PSTPIP2: variants seen among roughly 807,000 people sequenced by gnomAD.
The protein encoded by PSTPIP2 is proline-serine-threonine phosphatase-interacting protein 2.
A neutral mutation model predicts 63.3 loss-of-function variants in PSTPIP2; 33 were observed. The observed-to-expected ratio is 0.52, with a 90% CI of 0.40 to 0.70. The LOEUF (loss-of-function observed/expected upper bound fraction) is 0.70. Among genes scored for constraint, PSTPIP2 ranks in the 30% least tolerant of loss-of-function variants. The pLI, the probability that PSTPIP2 is intolerant of heterozygous loss-of-function variation, is 0.00. For synonymous variants in PSTPIP2, 125 were observed against 132.7 expected (o/e 0.94, Z 0.40); for missense variants, 312 against 400.7 (o/e 0.78, Z 1.89).
intron 2 of PSTPIP2, among the ~76,000 whole-genome samples, chr18:46,035,967 C>G (rs1207002825): frequency 1.3e-5 from 2 of 152,112 alleles, no homozygotes; most frequent in Admixed American, 1.3e-4. Context: ...TGGTTGCCAG[C>G]ATCACCTCTA....
chr18:45,992,233 G>A (rs1463427253), intron 10 of PSTPIP2, 31 bp from the exon 11 acceptor site: 6 of 1,516,810 alleles, frequency 4.0e-6, no homozygotes, highest in Non-Finnish European at 9.0e-7. Context: ...AATAGGTAGA[G>A]GTATGTTGAG....
chr18:45,991,766 A>G, intron 12 of PSTPIP2, 136 bp downstream of exon 12: 1 of 807,512 alleles, frequency 1.2e-6, no homozygotes, highest in Non-Finnish European at 1.9e-6. Flanking sequence ...TAAAAATACT[A>G]TTTCCAAAAA....
rs775886778 is a variant in PSTPIP2, at chr18:46,018,615, C to T, written c.213-2678G>A. ...AACTCCTGACCTCAAGTGAGCTGCC[C>T]GCCTTGGCCTCCCAAAGTGCTGGGA... On this transcript the variant is annotated intron_variant, in intron 3 of 14. Coordinates refer to ENST00000409746, the MANE Select transcript of PSTPIP2 (RefSeq NM_024430.4). Among the ~76,000 whole-genome samples, 15 of 152,204 alleles carry T rather than the reference C, an allele frequency of 9.9e-5. No individual in the cohort carries two copies. The East Asian group carries it at 1.4e-3, about 14-fold the overall frequency.
intron 1 of PSTPIP2, among the ~76,000 whole-genome samples, chr18:46,048,048 G>A (rs1333397137): frequency 6.6e-6 from 1 of 152,166 alleles, no homozygotes. Context: ...ATAGCAAAAA[G>A]GACATTGCAG....
chr18:46,064,682 G>A (rs73953971), intron 1 of PSTPIP2, among the ~76,000 whole-genome samples: 1,799 of 151,982 alleles, frequency 0.012, 29 homozygotes, highest in African/African-American at 0.041. Flanking sequence ...GGTTTGAGTG[G>A]AAAAGGCATG....
intron 6 of PSTPIP2, among the ~76,000 whole-genome samples, chr18:46,003,532 G>A (rs897397319): frequency 1.8e-4 from 27 of 152,040 alleles, no homozygotes; most frequent in Non-Finnish European, 4.4e-5. Context: ...CCCTTTTCTG[G>A]TCTTTTGGTT....
At chr18:46,045,506 T>A (rs568484055) in intron 1 of PSTPIP2, among the ~76,000 whole-genome samples, 1 of 151,606 alleles carries the variant, frequency 6.6e-6, no homozygotes, top group African/African-American at 2.4e-5. Flanking sequence ...CTCTGGGGAC[T>A]GTTGTGGGGT....
chr18:46,013,313 A>G (rs6507660), intron 4 of PSTPIP2, among the ~76,000 whole-genome samples: 39,795 of 152,064 alleles, frequency 0.26, 6,588 homozygotes, highest in African/African-American at 0.44. Context: ...GTAAAAGTTA[A>G]TATGAATATT....
chr18:46,070,116 A>G (rs1218487699), intron 1 of PSTPIP2, among the ~76,000 whole-genome samples: 3 of 152,132 alleles, frequency 2.0e-5, no homozygotes, highest in Non-Finnish European at 4.4e-5. Flanking sequence ...AGGGTCACCT[A>G]GCTAGTAAGG....
intron 1 of PSTPIP2, among the ~76,000 whole-genome samples, chr18:46,065,053 A>C (rs1909131845): frequency 6.8e-6 from 1 of 148,000 alleles, no homozygotes; most frequent in Non-Finnish European, 1.5e-5. Flanking sequence ...CTGAGGCAGG[A>C]GAATTGCTTG....
chr18:46,049,989 A>G (rs1230375692), intron 1 of PSTPIP2, among the ~76,000 whole-genome samples: 4 of 152,178 alleles, frequency 2.6e-5, no homozygotes, highest in African/African-American at 9.7e-5. Flanking sequence ...TAAATAAGAG[A>G]ATCAATATTA....
At chr18:46,042,128 A>T (rs1458214880) in intron 1 of PSTPIP2, among the ~76,000 whole-genome samples, 1 of 152,064 alleles carries the variant, frequency 6.6e-6, no homozygotes, top group Non-Finnish European at 1.5e-5. Context: ...AATCATCAAA[A>T]CTTTTACAAG....
chr18:46,046,998 G>A (rs1908405450), intron 1 of PSTPIP2, among the ~76,000 whole-genome samples: 1 of 152,206 alleles, frequency 6.6e-6, no homozygotes, highest in African/African-American at 2.4e-5. Context: ...TGTTTTACAG[G>A]TGGAGGAAAC....
At chr18:46,046,844 A>G (rs1334280128) in intron 1 of PSTPIP2, among the ~76,000 whole-genome samples, 5 of 152,280 alleles carry the variant, frequency 3.3e-5, no homozygotes, top group Admixed American at 6.5e-5. Context: ...GAGCCCCACT[A>G]GAACAGGGAG....
intron 10 of PSTPIP2, among the ~76,000 whole-genome samples, chr18:45,992,770 T>G (rs1268535244): frequency 1.1e-5 from 1 of 93,764 alleles, no homozygotes; most frequent in East Asian, 5.4e-4. Context: ...CAGGCTGCAG[T>G]GCAGTGCAGT....
chr18:46,029,831 C>T (rs546044958), intron 2 of PSTPIP2: 15 of 438,306 alleles, frequency 3.4e-5, no homozygotes, highest in Admixed American at 1.5e-4. Context: ...AAGGGCAAGG[C>T]CGGCTGGGCG....
intron 1 of PSTPIP2, among the ~76,000 whole-genome samples, chr18:46,042,134 A>G (rs1414711305): frequency 6.6e-6 from 1 of 152,204 alleles, no homozygotes; most frequent in Non-Finnish European, 1.5e-5. Context: ...CAAAACTTTT[A>G]CAAGTTACGA....
At chr18:46,052,298 T>C (rs1409250833) in intron 1 of PSTPIP2, among the ~76,000 whole-genome samples, 1 of 152,190 alleles carries the variant, frequency 6.6e-6, no homozygotes, top group African/African-American at 2.4e-5. Flanking sequence ...GCCCAACCCA[T>C]AGAAATTCCA....
chr18:46,064,282 C>CTTTTTTTTTTTTTTTTTTTTTTTTTT (rs56236802), intron 1 of PSTPIP2, among the ~76,000 whole-genome samples: 1 of 71,540 alleles, frequency 1.4e-5, no homozygotes. Context: ...CTTTTTCTTT[C>CTTTTTTTTTTTTTTTTTTTTTTTTTT]TTTTTTTTTT....
Sources: gnomAD v4.1 joint callset for allele counts (sites outside exome capture counted in the v4.1 genomes callset) on GRCh38, gnomAD v4.1.1 for gene constraint, MANE v1.5 for transcripts, NCBI Gene and HGNC (gene_info 2026-07-23, HGNC 2026-07-21) for gene names.